SLC2A9: variants seen among roughly 807,000 people sequenced by gnomAD.
SLC2A9 encodes the protein solute carrier family 2 member 9.
Under a neutral mutation model 50.6 loss-of-function variants are expected in SLC2A9, and 39 were observed. That is an observed-to-expected ratio of 0.77 (90% CI 0.60 to 1.01). The LOEUF (loss-of-function observed/expected upper bound fraction) is 1.01, where lower values mean the gene tolerates loss of function less well. SLC2A9 is among the 50% of genes least tolerant of loss of function. SLC2A9 has a pLI of 0.00. For synonymous variants in SLC2A9, 324 were observed against 276.9 expected, an observed-to-expected ratio of 1.17 and a Z score of -1.69; for missense variants, 686 against 677.6, an observed-to-expected ratio of 1.01 and a Z score of -0.14.
intron 7 of SLC2A9, 50 bp downstream of exon 7, chr4:9,920,335 C>G (rs370984651): frequency 1.2e-4 from 200 of 1,605,542 alleles, no homozygotes; most frequent in Non-Finnish European, 1.6e-4. Context: ...CCTCCCCACC[C>G]TCTGATCCCT....
chr4:10,039,378 T>C (rs1404229250), intron 1 of SLC2A9, among the ~76,000 whole-genome samples: 7 of 152,174 alleles, frequency 4.6e-5, no homozygotes, highest in Non-Finnish European at 1.5e-5. Context: ...AGATGGGACG[T>C]GAAGGGCCAG....
chr4:9,978,315 G>A (rs1238289186), intron 5 of SLC2A9, among the ~76,000 whole-genome samples: 1 of 152,194 alleles, frequency 6.6e-6, no homozygotes, highest in Non-Finnish European at 1.5e-5. Context: ...AATAAAGGGT[G>A]AAGACAGAGG....
intron 1 of SLC2A9, chr4:10,035,616 C>T (rs1393500501): frequency 6.6e-6 from 1 of 152,172 alleles, no homozygotes. Flanking sequence ...GGTCAAGCCT[C>T]ACTTTGGGGT....
chr4:10,018,096 A>G (rs2109519060), intron 2 of SLC2A9, among the ~76,000 whole-genome samples: 1 of 152,352 alleles, frequency 6.6e-6, no homozygotes, highest in African/African-American at 2.4e-5. Context: ...CTTACAGCCT[A>G]GGTAGGCAGT....
At chr4:9,952,324 A>G (rs1009114557) in intron 5 of SLC2A9, among the ~76,000 whole-genome samples, 2 of 152,146 alleles carry the variant, frequency 1.3e-5, no homozygotes, top group Non-Finnish European at 2.9e-5. Flanking sequence ...TGCTGTCCTC[A>G]TGATGGTGAA....
intron 5 of SLC2A9, among the ~76,000 whole-genome samples, chr4:9,952,651 G>A (rs572480463): frequency 2.4e-4 from 37 of 151,500 alleles, no homozygotes; most frequent in African/African-American, 7.0e-4. Context: ...TTAGCCTCCC[G>A]GTAGCTAGGA....
intron 10 of SLC2A9, among the ~76,000 whole-genome samples, chr4:9,851,217 G>A (rs529589428): frequency 2.0e-5 from 3 of 152,294 alleles, no homozygotes; most frequent in South Asian, 4.1e-4. Context: ...CCCATTCAGC[G>A]TAGCAGGTTC....
intron 5 of SLC2A9, 121 bp downstream of exon 5, chr4:9,980,467 ATAAG>A: frequency 1.5e-6 from 2 of 1,294,976 alleles, no homozygotes; most frequent in African/African-American, 1.5e-5. Context: ...TTCTCCAATA[ATAAG>A]TAAGAGGCTT....
At chr4:9,936,934 T>C (rs1246415242) in intron 6 of SLC2A9, among the ~76,000 whole-genome samples, 1 of 152,144 alleles carries the variant, frequency 6.6e-6, no homozygotes, top group East Asian at 1.9e-4. Context: ...ACAGAACTGG[T>C]CCCCAAGAAG....
At chr4:9,913,663 G>T (rs1377525386) in intron 7 of SLC2A9, among the ~76,000 whole-genome samples, 1 of 152,124 alleles carries the variant, frequency 6.6e-6, no homozygotes, top group Non-Finnish European at 1.5e-5. Flanking sequence ...GCATCCCCTG[G>T]GCTCTTTCTG....
intron 5 of SLC2A9, among the ~76,000 whole-genome samples, chr4:9,967,651 C>G (rs1240337067): frequency 6.6e-6 from 1 of 150,964 alleles, no homozygotes; most frequent in Non-Finnish European, 1.5e-5. Context: ...AAAATATAAA[C>G]AAAAAGAATC....
At chr4:9,774,311 C>CA (rs1246041849) in intron 1 of SLC2A9, among the ~76,000 whole-genome samples, 1 of 152,168 alleles carries the variant, frequency 6.6e-6, no homozygotes, top group African/African-American at 2.4e-5. Context: ...ATGAGAAACT[C>CA]AGTGTTTTGG....
chr4:9,951,700 T>C (rs1367779248), intron 5 of SLC2A9, among the ~76,000 whole-genome samples: 1 of 152,252 alleles, frequency 6.6e-6, no homozygotes, highest in Non-Finnish European at 1.5e-5. Context: ...GGAAATGTAC[T>C]TCTTTCTAGA....
In SLC2A9 at chr4:9,826,368, T is replaced by A. The variant is rs1190363739; in HGVS notation, c.*29A>T. On this transcript the variant is annotated 3_prime_UTR_variant, in exon 12 of 12. Transcript: ENST00000264784. Reference sequence around the variant, plus strand: ...CATGTAGACAATCCTGTTTTTGACATAATTGTCCAACGTGGAGGAGGAAAC... The same window carrying A: ...CATGTAGACAATCCTGTTTTTGACAAAATTGTCCAACGTGGAGGAGGAAAC... 7 of 1,607,048 alleles carry A rather than the reference T, an allele frequency of 4.4e-6. No homozygotes were observed. Among genetic ancestry groups the A allele is most frequent in the Non-Finnish European group, 6.0e-6 (7 of 1,173,532 alleles).
chr4:10,018,589 TAAC>T (rs988880170), intron 2 of SLC2A9, among the ~76,000 whole-genome samples: 1 of 151,032 alleles, frequency 6.6e-6, no homozygotes, highest in African/African-American at 2.4e-5. Context: ...GATAGATAGA[TAAC>T]AACAACAACA....
Position 10,033,448 on chromosome 4 carries a change from AG to A in SLC2A9, c.-41+6681del, listed in dbSNP as rs1410692580. Among the ~76,000 whole-genome samples, 6 of 152,272 alleles carry A rather than the reference AG, an allele frequency of 3.9e-5. No individual in the cohort carries two copies. The East Asian group carries it at 1.2e-3, about 29-fold the overall frequency. On this transcript the variant is annotated intron_variant, in intron 1 of 12. Transcript: ENST00000309065. ...CACTCAACCCTCAAAACTTAGCCTC[AG>A]TCTTGCCTTTTCCAAGAAATCTTCA...
intron 10 of SLC2A9, among the ~76,000 whole-genome samples, chr4:9,844,678 C>T (rs969664753): frequency 4.6e-5 from 7 of 152,340 alleles, no homozygotes; most frequent in Middle Eastern, 3.4e-3. Context: ...TGTCTTGTGG[C>T]GACAGCGCCC....
intron 5 of SLC2A9, among the ~76,000 whole-genome samples, chr4:9,945,336 T>C (rs564007422): frequency 7.4e-4 from 112 of 152,302 alleles, no homozygotes; most frequent in Non-Finnish European, 1.4e-3. Flanking sequence ...TTGGGAGGAT[T>C]TAGTCCATGA....
downstream of SLC2A9, among the ~76,000 whole-genome samples, chr4:9,794,135 G>A (rs925581623): frequency 1.3e-5 from 2 of 151,404 alleles, no homozygotes; most frequent in South Asian, 2.1e-4. Context: ...TGTGCAGAGC[G>A]ATCTCATTAA....
Sources: allele counts gnomAD v4.1 joint callset (sites outside exome capture counted in the v4.1 genomes callset), GRCh38; gene constraint gnomAD v4.1.1; transcripts MANE v1.5; gene names NCBI Gene and HGNC (gene_info 2026-07-23, HGNC 2026-07-21).